Variants in DPEP2 observed in about 807,000 individuals in gnomAD.
The protein encoded by DPEP2 is dipeptidase 2.
DPEP2 carries 45 observed loss-of-function variants against 51.8 expected under a neutral mutation model. The ratio of observed to expected loss-of-function variants is 0.87; its 90% CI spans 0.68 to 1.11. The LOEUF is 1.11. DPEP2 is among the 50% of genes most tolerant of loss of function. DPEP2 has a pLI of 0.00. For synonymous variants in DPEP2, 255 were observed against 262.7 expected (o/e 0.97, Z 0.28); for missense variants, 604 against 631.9 (o/e 0.96, Z 0.47).
chr16:67,992,664 T>A, intron 2 of DPEP2, 28 bp from the exon 3 acceptor site: 1 of 1,606,570 alleles, frequency 6.2e-7, no homozygotes, highest in Middle Eastern at 1.7e-4. Context: ...CAGGGTCAGG[T>A]GAAGAACAGA....
In DPEP2 at chr16:67,993,190, C is replaced by T. The variant is rs2032409045; in HGVS notation, c.23G>A (p.Gly8Asp). MQPSGLEGPGTFGRWPLL... is the reference protein window; with the variant it reads MQPSGLEDPGTFGRWPLL... Reference sequence around the variant, plus strand: ...AGGCCACCGACCAAACGTGCCGGGACCCTCGAGGCCGGAGGGCTGCATGTT... The same window carrying T: ...AGGCCACCGACCAAACGTGCCGGGATCCTCGAGGCCGGAGGGCTGCATGTT... The change falls in exon 2 of 11, where the codon GGT becomes GAT. Residue 8 changes from glycine to aspartate, a missense_variant. Physicochemically the swap from Gly to Asp is moderately conservative, Grantham distance 94. Transcript: ENST00000393847. 1.4e-6 allele frequency: 2 copies of T among 1,478,098 alleles called. No homozygotes were observed. The highest frequency in any genetic ancestry group is 1.8e-6 in the Non-Finnish European group (2 of 1,110,750). The allele number at this position is 1,478,098 out of a possible 1,614,324, so 91.6% of individuals were successfully genotyped here.
At chr16:67,999,506 A>T (rs887813199), upstream of DPEP2, 32 of 986,384 alleles carry the variant, frequency 3.2e-5, no homozygotes, top group Non-Finnish European at 8.4e-6. Flanking sequence ...TGCAAGGGGG[A>T]GGGCACAGAG....
chr16:67,999,491 T>C, upstream of DPEP2: 1 of 987,438 alleles, frequency 1.0e-6, no homozygotes, highest in Non-Finnish European at 1.2e-6. Flanking sequence ...GTGTGCTGTT[T>C]CCCCTGCAAG....
At chr16:67,998,405 A>C (rs2032824720) in intron 1 of DPEP2, among the ~76,000 whole-genome samples, 1 of 152,132 alleles carries the variant, frequency 6.6e-6, no homozygotes, top group South Asian at 2.1e-4. Flanking sequence ...GTGCCAGCTC[A>C]CAGGCGCTGC....
chr16:67,994,402 T>C, intron 1 of DPEP2: 2 of 984,778 alleles, frequency 2.0e-6, no homozygotes, highest in Non-Finnish European at 2.4e-6. Flanking sequence ...TCAACCTAGA[T>C]GCCTCCTCCA....
At chr16:67,994,996 G>A in intron 1 of DPEP2, 2 of 634,838 alleles carry the variant, frequency 3.2e-6, no homozygotes, top group Non-Finnish European at 3.9e-6. Flanking sequence ...CACCTCCTGG[G>A]TTCAAGCGAT....
chr16:67,992,897 C>T (rs2151381321), intron 2 of DPEP2, 53 bp downstream of exon 2: 2 of 1,560,206 alleles, frequency 1.3e-6, no homozygotes, highest in South Asian at 1.2e-5. Flanking sequence ...TGGGACCCTC[C>T]CTTGCCCAGG....
intron 9 of DPEP2, 29 bp downstream of exon 9, chr16:67,989,294 C>T (rs1413823029): frequency 1.2e-6 from 2 of 1,613,798 alleles, no homozygotes. Flanking sequence ...TACAGCTAGC[C>T]CAAGACAAGC....
At chr16:67,998,989 G>T (rs988746248) in intron 1 of DPEP2, among the ~76,000 whole-genome samples, 2 of 152,188 alleles carry the variant, frequency 1.3e-5, no homozygotes, top group Non-Finnish European at 2.9e-5. Flanking sequence ...CTACCAATCA[G>T]CAGGATGTGG....
rs538781191 is a variant in DPEP2 at position 67,996,163 on chromosome 16, C to T, written c.-45-2906G>A. 1.4e-4 allele frequency among the ~76,000 whole-genome samples: 21 copies of T among 151,716 alleles called. No homozygotes were observed. The South Asian group carries it at 4.0e-3, about 29-fold the overall frequency. ...AATCAATCCTCCCACTTCAGCCTCC[C>T]GAGTCTGGGACTACAGGTACTCGCC... On this transcript the variant is annotated intron_variant, in intron 1 of 10. Coordinates refer to ENST00000393847, the MANE Select transcript of DPEP2 (RefSeq NM_022355.4).
At position 67,997,580 on chromosome 16, in the gene DPEP2, T is replaced by A. The variant is rs374091298; in HGVS notation, c.-46+1795A>T. ...ACCGTGTTAGCCAGGATGGTCTTGA[T>A]CTCCCGACCTCGTGATCCACTCACC... On this transcript the variant is annotated intron_variant, in intron 1 of 10. Transcript: ENST00000393847. Among the ~76,000 whole-genome samples, 15 of 152,040 alleles carry A rather than the reference T, an allele frequency of 9.9e-5. No homozygotes were observed. The East Asian group carries it at 2.7e-3, about 27-fold the overall frequency.
At position 67,993,158 on chromosome 16, in the gene DPEP2, T is replaced by C. The variant is rs1462370879; in HGVS notation, c.55A>G (p.Ser19Gly). ...PGTFGRWPLL[S>G]LLLLLLLLQP... ...AGCAGCAGCAGCAGGAGCAGCAGAC[T>C]CAGCAGAGGCCACCGACCAAACGTG... The change falls in exon 2 of 11, where the codon AGT (serine) becomes GGT (glycine). Residue 19 changes from serine to glycine, a missense_variant. By Grantham distance (56) the Ser-to-Gly change is moderately conservative (BLOSUM62 0). Transcript: ENST00000393847. 4.6e-6 allele frequency: 7 copies of C among 1,519,984 alleles called. No individual in the cohort carries two copies. Among genetic ancestry groups the C allele is most frequent in the Non-Finnish European group, 6.2e-6 (7 of 1,130,262 alleles). The allele number at this position is 1,519,984 out of a possible 1,614,324, so 94.2% of individuals were successfully genotyped here. A position where few individuals can be genotyped will look rare whatever the true frequency, so the allele number is the denominator to read the frequency against.
Position 67,992,930 on chromosome 16 carries a change from C to A in DPEP2, c.263+20G>T. ...AGGAGTGTGCTCAGCTCCCATCGCC[C>A]CCTTGCAGCAATTACGCACCCGTCC... On this transcript the variant is annotated intron_variant, in intron 2 of 10. Coordinates refer to ENST00000393847, the MANE Select transcript of DPEP2 (RefSeq NM_022355.4). The A allele has an allele frequency of 6.2e-7, 1 of 1,601,910 alleles. No individual in the cohort carries two copies. Among genetic ancestry groups the A allele is most frequent in the South Asian group, 1.1e-5 (1 of 90,098 alleles).
Position 67,991,871 on chromosome 16 carries a change from T to A in DPEP2, c.629A>T (p.Tyr210Phe). The A allele has an allele frequency of 3.7e-6, 6 of 1,614,108 alleles. No homozygotes were observed. The highest frequency in any genetic ancestry group is 5.1e-6 in the Non-Finnish European group (6 of 1,180,020). Residue 210 changes from tyrosine (Y) to phenylalanine (F), a missense_variant, in exon 5 of 11, where the codon TAC (tyrosine) becomes TTC (phenylalanine). By Grantham distance (22) the Tyr-to-Phe change is conservative. Coordinates refer to ENST00000393847, the MANE Select transcript of DPEP2 (RefSeq NM_022355.4). The surrounding 1 kb of genome is among the most constrained non-coding windows in gnomAD (Gnocchi z 5.1). ...GTTGCAGGTGTGGGTGAGCGTCAGG[T>A]AGCGCACTCCCAGCATGTAGAAGGT... ...LRTFYMLGVR[Y>F]LTLTHTCNTP...
intron 1 of DPEP2, among the ~76,000 whole-genome samples, chr16:67,997,710 G>C (rs1331177956): frequency 2.0e-5 from 3 of 152,178 alleles, no homozygotes; most frequent in Non-Finnish European, 2.9e-5. Flanking sequence ...GAATGGGCTG[G>C]AGGCCAGGAG....
intron 1 of DPEP2, chr16:67,993,472 C>CT (rs1031461372): frequency 1.5e-5 from 19 of 1,235,070 alleles, no homozygotes; most frequent in African/African-American, 3.1e-5. Flanking sequence ...GGGCGGATCC[C>CT]TGTCCTGGGC....
intron 7 of DPEP2, among the ~76,000 whole-genome samples, chr16:67,990,344 T>C (rs1177643876): frequency 6.6e-6 from 1 of 152,130 alleles, no homozygotes; most frequent in Non-Finnish European, 1.5e-5. Flanking sequence ...GGAATATACA[T>C]ATTTACCATC....
chr16:67,990,757 C>A (rs1410867595), intron 7 of DPEP2, 64 bp downstream of exon 7: 2 of 1,549,744 alleles, frequency 1.3e-6, no homozygotes, highest in Admixed American at 3.6e-5. Flanking sequence ...AGCCACCATG[C>A]CTGGCCGAAG....
chr16:67,989,942 C>A (rs2031915938), intron 8 of DPEP2, 105 bp downstream of exon 8: 1 of 1,166,640 alleles, frequency 8.6e-7, no homozygotes, highest in Non-Finnish European at 1.3e-6. Flanking sequence ...GTGTACTGTC[C>A]ATCACTGCAT....
Sources: gnomAD v4.1 joint callset for allele counts (sites outside exome capture counted in the v4.1 genomes callset) on GRCh38, gnomAD v4.1.1 for gene constraint, Gnocchi (gnomAD v3.1) non-coding constraint, MANE v1.5 for transcripts, NCBI Gene and HGNC (gene_info 2026-07-23, HGNC 2026-07-21) for gene names.